Variants in ABI3BP observed in about 807,000 individuals in gnomAD.
ABI3BP encodes the protein ABI family member 3 binding protein, also known as target of Nesh-SH3.
In ABI3BP, 216 loss-of-function variants were observed where a neutral mutation model predicts 268.6. The observed-to-expected ratio is 0.80, with a 90% confidence interval of 0.72 to 0.90. The LOEUF is 0.90. Ranked by LOEUF, ABI3BP falls within the 40% of genes least tolerant of loss-of-function variation. The pLI is 0.00. For missense variants in ABI3BP, 2,090 were observed against 2,182.4 expected, an observed-to-expected ratio of 0.96 and a Z score of 0.84; for synonymous variants, 730 against 730.0, an observed-to-expected ratio of 1.00 and a Z score of 0.00.
chr3:100,844,515 T>TGCGGAGAGG (rs1438398661), intron 20 of ABI3BP: 1 of 953,690 alleles, frequency 1.0e-6, no homozygotes, highest in Non-Finnish European at 1.2e-6. Context: ...TAGAAGAGTG[T>TGCGGAGAGG]GCGGAGAGGG....
At chr3:100,802,316 A>G (rs1169364595) in intron 51 of ABI3BP, among the ~76,000 whole-genome samples, 6 of 152,296 alleles carry the variant, frequency 3.9e-5, no homozygotes, top group Middle Eastern at 3.4e-3. Flanking sequence ...ACCTATCCCA[A>G]TGCCTGGGGG....
At chr3:100,907,959 AC>A (rs2153536073) in intron 2 of ABI3BP, among the ~76,000 whole-genome samples, 1 of 152,058 alleles carries the variant, frequency 6.6e-6, no homozygotes, top group East Asian at 1.9e-4. Flanking sequence ...ACTAAAAAAT[AC>A]AAAAAATTAG....
chr3:100,822,830 A>G (rs2098269548), intron 37 of ABI3BP, among the ~76,000 whole-genome samples, 158 bp from the exon 38 acceptor site: 1 of 152,216 alleles, frequency 6.6e-6, no homozygotes, highest in Non-Finnish European at 1.5e-5. Context: ...CTTTTATCAT[A>G]GAAAGCTCCT....
intron 1 of ABI3BP, among the ~76,000 whole-genome samples, chr3:100,933,408 T>A (rs1027265682): frequency 1.3e-5 from 2 of 151,890 alleles, no homozygotes; most frequent in Non-Finnish European, 2.9e-5. Flanking sequence ...TCACTTACAG[T>A]GCCAACCTCT....
intron 61 of ABI3BP, among the ~76,000 whole-genome samples, chr3:100,771,526 C>G (rs12637570): frequency 0.96 from 145,785 of 152,248 alleles, 69,835 homozygotes; most frequent in East Asian, 1. Flanking sequence ...AAGAATTATA[C>G]TTATTACTAT....
intron 4 of ABI3BP, among the ~76,000 whole-genome samples, chr3:100,887,110 A>C (rs1457474741): frequency 2.0e-5 from 3 of 152,018 alleles, no homozygotes; most frequent in Non-Finnish European, 4.4e-5. Context: ...CAGAACATTC[A>C]CTTAACTTGC....
chr3:100,801,747 T>A (rs887299468), intron 51 of ABI3BP, among the ~76,000 whole-genome samples: 3 of 151,916 alleles, frequency 2.0e-5, no homozygotes, highest in Non-Finnish European at 4.4e-5. Flanking sequence ...ATAAGAAGCT[T>A]TAGGAAAAAA....
chr3:100,827,100 A>G (rs1172875606), intron 34 of ABI3BP, among the ~76,000 whole-genome samples: 2 of 152,054 alleles, frequency 1.3e-5, no homozygotes, highest in Non-Finnish European at 1.5e-5. Context: ...ACCCAAATTC[A>G]TTTTTTACTT....
At chr3:100,783,325 G>A (rs948421606) in intron 57 of ABI3BP, among the ~76,000 whole-genome samples, 1 of 152,214 alleles carries the variant, frequency 6.6e-6, no homozygotes, top group Non-Finnish European at 1.5e-5. Context: ...TGTGGGGGCA[G>A]TAAATTGTGG....
intron 4 of ABI3BP, among the ~76,000 whole-genome samples, chr3:100,898,102 A>AT (rs1333399029): frequency 6.6e-6 from 1 of 152,098 alleles, no homozygotes; most frequent in East Asian, 1.9e-4. Flanking sequence ...ATATACTTAG[A>AT]TTTTTCCCAT....
intron 1 of ABI3BP, among the ~76,000 whole-genome samples, chr3:100,966,083 C>T (rs909297563): frequency 2.6e-5 from 4 of 152,150 alleles, no homozygotes; most frequent in African/African-American, 4.8e-5. Flanking sequence ...AAAGCACGAT[C>T]GACTTCATAA....
At chr3:100,776,338 G>A (rs1251120008) in intron 59 of ABI3BP, among the ~76,000 whole-genome samples, 2 of 152,182 alleles carry the variant, frequency 1.3e-5, no homozygotes, top group African/African-American at 2.4e-5. Context: ...TAGTGAGTAT[G>A]AGCCACAATA....
chr3:100,843,520 TG>T (rs2098731926), intron 20 of ABI3BP: 1 of 732,736 alleles, frequency 1.4e-6, no homozygotes, highest in Non-Finnish European at 1.6e-6. Flanking sequence ...AGGGAGAGGA[TG>T]TGTGTGTGTG....
intron 2 of ABI3BP, among the ~76,000 whole-genome samples, chr3:100,903,741 C>G (rs1443387656): frequency 6.6e-6 from 1 of 152,200 alleles, no homozygotes; most frequent in Non-Finnish European, 1.5e-5. Flanking sequence ...GACAACCTGG[C>G]AACTCAACTT....
intron 1 of ABI3BP, among the ~76,000 whole-genome samples, chr3:100,953,603 C>T (rs373802001): frequency 1.7e-4 from 17 of 101,086 alleles, no homozygotes; most frequent in South Asian, 1.3e-3. Context: ...AAACACTTCT[C>T]GGAGAAAGAA....
intron 12 of ABI3BP, 64 bp from the exon 13 acceptor site, chr3:100,862,973 A>T: frequency 7.7e-7 from 1 of 1,298,752 alleles, no homozygotes; most frequent in East Asian, 2.5e-5. Context: ...GATTTTTAAA[A>T]TTTTAAGCTT....
At chr3:100,932,084 C>CA (rs1561792385) in intron 1 of ABI3BP, among the ~76,000 whole-genome samples, 15 of 150,550 alleles carry the variant, frequency 1.0e-4, no homozygotes, top group Non-Finnish European at 1.8e-4. Context: ...TCAACAAAGC[C>CA]GAAAAAAAAC....
At position 100,841,297 on chromosome 3, in the gene ABI3BP, C is replaced by T. The variant is rs1448051047; in HGVS notation, c.1766-439G>A. 6.8e-5 allele frequency among the ~76,000 whole-genome samples: 9 copies of T among 132,500 alleles called. 1 individual carries two copies. 86.9% of individuals were successfully genotyped at this position (132,500 alleles called of 152,430 possible). ...TCTATTTCTCTCTTTGAGTGGATTT[C>T]CTAGTCCGTGGCACTTTTCAAGAAA... On this transcript the variant is annotated intron_variant, in intron 21 of 67. Transcript: ENST00000471714.
At chr3:100,807,352 T>C (rs1453402852) in intron 50 of ABI3BP, among the ~76,000 whole-genome samples, 1 of 152,008 alleles carries the variant, frequency 6.6e-6, no homozygotes. Context: ...TTATTATTAT[T>C]TAAAATTTCA....
Sources: allele counts gnomAD v4.1 joint callset (sites outside exome capture counted in the v4.1 genomes callset), GRCh38; gene constraint gnomAD v4.1.1; transcripts MANE v1.5; gene names NCBI Gene and HGNC (gene_info 2026-07-23, HGNC 2026-07-21).